The following POLR1C variants were observed in gnomAD, a reference collection of about 807,000 sequenced individuals.
POLR1C encodes the protein DNA-directed RNA polymerases I and III subunit RPAC1.
Under a neutral mutation model 38.3 loss-of-function variants are expected in POLR1C, and 42 were observed. The ratio of observed to expected loss-of-function variants is 1.10; its 90% confidence interval spans 0.86 to 1.42. POLR1C has a LOEUF of 1.42. POLR1C is among the 40% of genes most tolerant of loss of function. POLR1C has a pLI of 0.00. For synonymous variants in POLR1C, 163 were observed against 163.9 expected (o/e 0.99, Z 0.04); for missense variants, 507 against 450.5 (o/e 1.13, Z -1.14).
intron 6 of POLR1C, 90 bp downstream of exon 6, chr6:43,520,517 C>T (rs1306245693): frequency 1.2e-5 from 19 of 1,600,242 alleles, no homozygotes; most frequent in Non-Finnish European, 2.6e-6. Context: ...ACATTCCCGG[C>T]AGGTAGAAAG....
rs753397086 is a variant in POLR1C, at chr6:43,554,422, C to CTT, written c.*48+3424_*48+3425dup. Among the ~76,000 whole-genome samples the CTT allele has an allele frequency of 2.8e-3, 388 of 136,854 alleles. 2 individuals are homozygous for CTT. The highest frequency in any genetic ancestry group is 9.6e-3 in the African/African-American group (359 of 37,494). 89.8% of individuals were successfully genotyped at this position (136,854 alleles called of 152,430 possible). ...CACTGTGCCCAGCCGCTTTTCTTTT[C>CTT]TTTTTTTTTTTTTTCTTTTTTGAGA... On this transcript the variant is annotated intron_variant, in intron 10 of 10. Coordinates refer to the POLR1C transcript ENST00000607635.
In POLR1C at chr6:43,520,344, G is replaced by A. The variant is rs373046018; in HGVS notation, c.572G>A (p.Arg191Gln). Residue 191 changes from arginine (R) to glutamine (Q), a missense_variant, in exon 6 of 9, where the codon CGA becomes CAA. Coordinates refer to ENST00000642195, the MANE Select transcript of POLR1C (RefSeq NM_203290.4). The stretch of plus-strand genomic sequence containing the variant: ...GATCTCTTTCCAGAGGGCACTATCC[G>A]ACCAGTGCATGATGATATCCTCATC... ...QADLFPEGTI[R>Q]PVHDDILIAQ... 227 of 1,613,404 alleles carry A rather than the reference G, an allele frequency of 1.4e-4. No individual in the cohort carries two copies. The highest frequency in any genetic ancestry group is 1.7e-4 in the Non-Finnish European group (197 of 1,180,040).
In POLR1C at chr6:43,548,129, G is replaced by C. The variant is rs1264542225; in HGVS notation, c.*5-2839G>C. The C allele has an allele frequency of 4.3e-6, 4 of 933,862 alleles. No homozygotes were observed. In the African/African-American group the frequency reaches 6.6e-5, roughly 15 times the overall value. The allele number at this position is 933,862 out of a possible 1,614,324, so 57.8% of individuals were successfully genotyped here. A position where few individuals can be genotyped will look rare whatever the true frequency, so the allele number is the denominator to read the frequency against. On this transcript the variant is annotated intron_variant, in intron 9 of 10. Transcript: ENST00000607635. ...ATTAAATTACAAAAGACTGCTTTTA[G>C]AGAACTTCAGATATCATGGATAATG...
chr6:43,529,746 C>T (rs1317724939), downstream of POLR1C, among the ~76,000 whole-genome samples: 1 of 150,660 alleles, frequency 6.6e-6, no homozygotes, highest in Admixed American at 6.6e-5. Context: ...ATAATACAGA[C>T]CCATCTCTAC....
rs771702250 is a variant in POLR1C, at chr6:43,551,362, T to G, written c.*48+351T>G. ...GACAAATGGAAAGAGTGCAGAGACA[T>G]TAGTAAGGACGCAGGACAGGATGAG... On this transcript the variant is annotated intron_variant, in intron 10 of 10. Coordinates refer to the POLR1C transcript ENST00000607635. 27 of 1,613,672 alleles carry G rather than the reference T, an allele frequency of 1.7e-5. No individual in the cohort carries two copies. Among genetic ancestry groups the G allele is most frequent in the Non-Finnish European group, 2.1e-5 (25 of 1,179,832 alleles).
chr6:43,531,962 A>G (rs975711434), downstream of POLR1C, among the ~76,000 whole-genome samples: 4 of 152,132 alleles, frequency 2.6e-5, no homozygotes, highest in African/African-American at 9.7e-5. Flanking sequence ...AATGAAACCC[A>G]CTTACCTTAG....
At chr6:43,558,310 G>A (rs1022423729) in intron 10 of POLR1C, among the ~76,000 whole-genome samples, 4 of 152,074 alleles carry the variant, frequency 2.6e-5, no homozygotes, top group African/African-American at 4.8e-5. Flanking sequence ...GGTTTGTGGT[G>A]TAAAACAAAA....
rs371870708 is a variant in POLR1C, at chr6:43,520,086, A to G, written c.403A>G (p.Ile135Val). Residue 135 changes from isoleucine to valine, a missense_variant, in exon 5 of 9, where the codon ATA becomes GTA. Physicochemically the swap from Ile to Val is conservative, Grantham distance 29. Coordinates refer to ENST00000642195, the MANE Select transcript of POLR1C (RefSeq NM_203290.4). ...TGCAGGAGATGAAGAAGGCACAGAG[A>G]TAGATACTCTACAGTTTCGTCTCCA... ...RNQGDEEGTEIDTLQFRLQVR... is the reference protein window; with the variant it reads ...RNQGDEEGTEVDTLQFRLQVR... The G allele has an allele frequency of 3.1e-6, 5 of 1,614,150 alleles. No homozygotes were observed. In the African/African-American group the frequency reaches 5.3e-5, roughly 17 times the overall value.
chr6:43,530,632 T>C (rs776404486), downstream of POLR1C: 2 of 1,595,596 alleles, frequency 1.3e-6, no homozygotes, highest in South Asian at 2.3e-5. Context: ...ACCTGTTTTG[T>C]TTCTCTCTCT....
At chr6:43,546,674 C>T in intron 9 of POLR1C, 1 of 1,613,642 alleles carries the variant, frequency 6.2e-7, no homozygotes, top group Non-Finnish European at 8.5e-7. Flanking sequence ...ACAAATCCCC[C>T]AGCTTTGGCC....
At chr6:43,521,873 A>G (rs1793210397), downstream of POLR1C, among the ~76,000 whole-genome samples, 1 of 152,170 alleles carries the variant, frequency 6.6e-6, no homozygotes, top group African/African-American at 2.4e-5. Context: ...TTACCAATTA[A>G]GAACATCAGA....
At chr6:43,549,702 T>A (rs1199589431) in intron 9 of POLR1C, 4 of 1,265,976 alleles carry the variant, frequency 3.2e-6, no homozygotes, top group Non-Finnish European at 4.4e-6. Flanking sequence ...CCTAAGAGTA[T>A]AATGGAGTAA....
chr6:43,544,397 A>C (rs1198458969), intron 9 of POLR1C: 7 of 152,378 alleles, frequency 4.6e-5, no homozygotes, highest in Admixed American at 4.6e-4. Context: ...GGTGACTAGA[A>C]ATTGAAAAGA....
downstream of POLR1C, chr6:43,525,553 T>C: frequency 1.9e-6 from 1 of 525,180 alleles, no homozygotes; most frequent in Non-Finnish European, 3.4e-6. Flanking sequence ...CCTGTATGTG[T>C]AGGATGGAGA....
intron 2 of POLR1C, chr6:43,519,058 C>T (rs973244772): frequency 8.2e-6 from 4 of 485,930 alleles, no homozygotes; most frequent in African/African-American, 5.9e-5. Flanking sequence ...AAACTAAGCA[C>T]TATGGTAGTT....
chr6:43,523,795 G>A (rs534059474), downstream of POLR1C: 268 of 1,611,936 alleles, frequency 1.7e-4, no homozygotes, highest in Non-Finnish European at 2.2e-4. Context: ...GTGCAAGAAG[G>A]GCCTAGAGAT....
chr6:43,548,563 A>G, intron 9 of POLR1C: 5 of 1,073,814 alleles, frequency 4.7e-6, no homozygotes, highest in Non-Finnish European at 6.4e-6. Context: ...CAGTCCCAGG[A>G]AAGTCAGGCC....
intron 9 of POLR1C, among the ~76,000 whole-genome samples, chr6:43,543,469 G>GTAAA (rs942880249): frequency 3.4e-5 from 5 of 147,972 alleles, no homozygotes; most frequent in East Asian, 3.9e-4. Flanking sequence ...AAGTAAGTAA[G>GTAAA]TAAATAAATA....
intron 9 of POLR1C, among the ~76,000 whole-genome samples, chr6:43,535,768 C>T (rs1431280846): frequency 2.1e-5 from 3 of 145,790 alleles, no homozygotes; most frequent in Non-Finnish European, 3.0e-5. Context: ...GAGCTGAAAT[C>T]GCGCCACTGC....
Sources: gnomAD v4.1 joint callset for allele counts (sites outside exome capture counted in the v4.1 genomes callset) on GRCh38, gnomAD v4.1.1 for gene constraint, MANE v1.5 for transcripts, NCBI Gene and HGNC (gene_info 2026-07-23, HGNC 2026-07-21) for gene names.